Variants in ABLIM1 observed in about 807,000 individuals in gnomAD.
ABLIM1 encodes the protein actin-binding LIM protein 1.
ABLIM1 carries 40 observed loss-of-function variants against 107.0 expected under a neutral mutation model. The observed-to-expected ratio is 0.37, with a 90% CI of 0.29 to 0.49. The LOEUF (loss-of-function observed/expected upper bound fraction) is 0.49, where lower values mean the gene tolerates loss of function less well. ABLIM1 is among the 20% of genes least tolerant of loss of function. The pLI is 0.97. For missense variants in ABLIM1, 857 were observed against 1,008.5 expected, an observed-to-expected ratio of 0.85 and a Z score of 2.04; for synonymous variants, 357 against 357.3, an observed-to-expected ratio of 1.00 and a Z score of 0.01.
intron 8 of ABLIM1, among the ~76,000 whole-genome samples, chr10:114,478,931 A>G (rs180907097): frequency 2.0e-4 from 31 of 152,310 alleles, no homozygotes; most frequent in African/African-American, 7.0e-4. Flanking sequence ...TTACCTGTCT[A>G]TATTGAAATA....
In ABLIM1 at chr10:114,620,203, A is replaced by T. The variant is rs149038768; in HGVS notation, c.245-18242T>A. ...CCGGCATACTTAAAAAGTAGAAAAG[A>T]AACTAGCAGAGAGTAAAGGTAAGTA... On this transcript the variant is annotated intron_variant, in intron 1 of 22. Transcript: ENST00000533213. Among the ~76,000 whole-genome samples, 663 of 152,390 alleles carry T rather than the reference A, an allele frequency of 4.4e-3. 1 individual carries two copies. Among genetic ancestry groups the T allele is most frequent in the Non-Finnish European group, 6.8e-3 (465 of 68,042 alleles).
At chr10:114,589,756 A>G (rs910103640) in intron 2 of ABLIM1, among the ~76,000 whole-genome samples, 2 of 152,184 alleles carry the variant, frequency 1.3e-5, no homozygotes, top group African/African-American at 4.8e-5. Context: ...ATGTTTTACA[A>G]AAGAGTCAAA....
At chr10:114,462,899 T>C in intron 12 of ABLIM1, 2 of 843,774 alleles carry the variant, frequency 2.4e-6, no homozygotes, top group South Asian at 1.5e-5. Context: ...CTAAGACAAC[T>C]GTTGGGTATA....
chr10:114,679,761 G>T (rs886669023), intron 1 of ABLIM1, among the ~76,000 whole-genome samples: 1 of 152,030 alleles, frequency 6.6e-6, no homozygotes, highest in Admixed American at 6.6e-5. Flanking sequence ...AAATGCCCCA[G>T]TTTTCGTCAT....
chr10:114,483,056 C>A (rs894862471), intron 8 of ABLIM1, among the ~76,000 whole-genome samples: 1 of 152,230 alleles, frequency 6.6e-6, no homozygotes, highest in African/African-American at 2.4e-5. Flanking sequence ...CCTCTGGATT[C>A]ATGTGACTTT....
intron 1 of ABLIM1, among the ~76,000 whole-genome samples, chr10:114,647,945 G>A (rs1264508947): frequency 6.6e-6 from 1 of 152,138 alleles, no homozygotes; most frequent in Non-Finnish European, 1.5e-5. Context: ...ATGTTGTAAA[G>A]ATAAAAGCAG....
At chr10:114,516,139 T>C (rs2062775308) in intron 6 of ABLIM1, among the ~76,000 whole-genome samples, 1 of 151,128 alleles carries the variant, frequency 6.6e-6, no homozygotes, top group African/African-American at 2.4e-5. Flanking sequence ...GTATCAATTT[T>C]AAACATTGTC....
chr10:114,514,935 T>C (rs17091994), intron 6 of ABLIM1, among the ~76,000 whole-genome samples: 4 of 152,090 alleles, frequency 2.6e-5, no homozygotes, highest in Non-Finnish European at 4.4e-5. Context: ...ATTATTAGTA[T>C]AGTCACCATG....
chr10:114,631,165 G>A (rs1435757425), intron 1 of ABLIM1, among the ~76,000 whole-genome samples: 1 of 152,204 alleles, frequency 6.6e-6, no homozygotes, highest in Non-Finnish European at 1.5e-5. Context: ...AAGCACTGTG[G>A]TGTTCTTTCA....
intron 6 of ABLIM1, among the ~76,000 whole-genome samples, chr10:114,534,647 C>T (rs547904860): frequency 2.5e-4 from 38 of 152,092 alleles, no homozygotes; most frequent in Non-Finnish European, 4.4e-4. Context: ...GCCACCCCGC[C>T]GCATGTGGGG....
At chr10:114,595,821 G>C (rs567886002) in intron 2 of ABLIM1, among the ~76,000 whole-genome samples, 1 of 152,240 alleles carries the variant, frequency 6.6e-6, no homozygotes, top group African/African-American at 2.4e-5. Context: ...CCTGCCTTTT[G>C]CTCTTTCCCA....
At chr10:114,690,051 A>G (rs967188457) in intron 1 of ABLIM1, 2 of 773,388 alleles carry the variant, frequency 2.6e-6, no homozygotes, top group Admixed American at 2.3e-5. Flanking sequence ...GAGCACAAAG[A>G]TTCTAGGATA....
intron 4 of ABLIM1, among the ~76,000 whole-genome samples, chr10:114,550,213 A>T (rs1463426740): frequency 2.0e-5 from 3 of 152,140 alleles, no homozygotes; most frequent in Non-Finnish European, 2.9e-5. Flanking sequence ...GCATTTTTTT[A>T]AAAGCTGGGG....
chr10:114,674,163 G>A (rs61869071), intron 1 of ABLIM1, among the ~76,000 whole-genome samples: 4,962 of 151,906 alleles, frequency 0.033, 106 homozygotes, highest in Middle Eastern at 0.061. Context: ...GGTGGCATGC[G>A]CCTGTAGTCC....
intron 6 of ABLIM1, among the ~76,000 whole-genome samples, chr10:114,492,648 T>C (rs75242228): frequency 0.072 from 10,929 of 152,256 alleles, 391 homozygotes; most frequent in South Asian, 0.093. Context: ...ACAAATCCTT[T>C]CGTTCACAGC....
At chr10:114,743,869 A>C (rs982364459) in intron 1 of ABLIM1, among the ~76,000 whole-genome samples, 9 of 152,230 alleles carry the variant, frequency 5.9e-5, no homozygotes, top group Admixed American at 5.9e-4. Context: ...TGTAAAAGAA[A>C]AAAAAAGCTG....
At chr10:114,453,079 A>G (rs947168335) in intron 13 of ABLIM1, among the ~76,000 whole-genome samples, 3 of 152,250 alleles carry the variant, frequency 2.0e-5, no homozygotes, top group African/African-American at 7.2e-5. Flanking sequence ...ATATCTCAGA[A>G]GGCAATGATA....
chr10:114,439,364 TTG>T, intron 20 of ABLIM1, 114 bp from the exon 21 acceptor site: 1 of 1,016,800 alleles, frequency 9.8e-7, no homozygotes. Flanking sequence ...ACTATTTTAT[TTG>T]TGTCATCTAA....
At chr10:114,778,015 A>T in the ABLIM1 span, 1 of 152,236 alleles carries the variant, frequency 6.6e-6, no homozygotes, top group Admixed American at 6.5e-5. Context: ...ACAAGTCAGA[A>T]GTCAGCCTGT....
Sources: allele counts gnomAD v4.1 joint callset (sites outside exome capture counted in the v4.1 genomes callset), GRCh38; gene constraint gnomAD v4.1.1; transcripts MANE v1.5; gene names NCBI Gene and HGNC (gene_info 2026-07-23, HGNC 2026-07-21).